PDE11A: variants seen among roughly 807,000 people sequenced by gnomAD.
PDE11A encodes the protein phosphodiesterase 11A.
In PDE11A, 100 loss-of-function variants were observed where a neutral mutation model predicts 100.5. That is an observed-to-expected ratio of 1.00 (90% CI 0.85 to 1.18). The LOEUF (loss-of-function observed/expected upper bound fraction) is 1.18, where lower values mean the gene tolerates loss of function less well. PDE11A is among the 50% of genes most tolerant of loss of function. The pLI is 0.00. For synonymous variants in PDE11A, 381 were observed against 420.8 expected (o/e 0.91, Z 1.16); for missense variants, 1,141 against 1,152.6 (o/e 0.99, Z 0.15).
intron 2 of PDE11A, among the ~76,000 whole-genome samples, chr2:177,968,515 C>A (rs113968614): frequency 2.0e-4 from 31 of 152,268 alleles, no homozygotes; most frequent in African/African-American, 6.7e-4. Flanking sequence ...GAGAAGATAA[C>A]AAAGAACTAC....
intron 5 of PDE11A, among the ~76,000 whole-genome samples, chr2:177,853,141 TTG>T (rs1491050215): frequency 2.5e-5 from 3 of 117,768 alleles, no homozygotes; most frequent in South Asian, 2.8e-4. Flanking sequence ...GGTGGTTTTT[TTG>T]TTGTTGTTGT....
intron 2 of PDE11A, among the ~76,000 whole-genome samples, chr2:177,913,772 C>A (rs2084914824): frequency 6.6e-6 from 1 of 152,132 alleles, no homozygotes; most frequent in Non-Finnish European, 1.5e-5. Context: ...GTGGTTGTAT[C>A]TGTTACTAGA....
Position 177,675,469 on chromosome 2 carries a change from C to G in PDE11A, c.2473G>C (p.Glu825Gln), listed in dbSNP as rs542665122. 6.2e-7 allele frequency: 1 copy of G among 1,613,190 alleles called. No individual in the cohort carries two copies. Among genetic ancestry groups the G allele is most frequent in the South Asian group, 1.1e-5 (1 of 91,052 alleles). Residue 825 changes from glutamate (E) to glutamine (Q), a missense_variant, in exon 17 of 20, where the codon GAG (glutamate) becomes CAG (glutamine). Coordinates refer to ENST00000286063, the MANE Select transcript of PDE11A (RefSeq NM_016953.4). ...TCACCACTTGCCTGTCTGGAGATCTCCCACGGTTTGGTCACGGCTCCAAGG... is the reference window on the plus strand; with the variant it reads ...TCACCACTTGCCTGTCTGGAGATCTGCCACGGTTTGGTCACGGCTCCAAGG... ...CDLGAVTKPW[E>Q]ISRQVAELVT...
chr2:177,789,681 TTA>T (rs1443776396), intron 9 of PDE11A, among the ~76,000 whole-genome samples: 11 of 152,154 alleles, frequency 7.2e-5, no homozygotes, highest in Admixed American at 5.9e-4. Flanking sequence ...GATAAGCAAC[TTA>T]AGCAAAGTCT....
intron 10 of PDE11A, among the ~76,000 whole-genome samples, chr2:177,758,296 CAAAAAAAAAAA>C (rs78765770): frequency 9.2e-5 from 6 of 65,008 alleles, no homozygotes; most frequent in Admixed American, 1.7e-4. Context: ...GACTCCGTCT[CAAAAAAAAAAA>C]AAAAAAAAAA....
intron 9 of PDE11A, among the ~76,000 whole-genome samples, chr2:177,784,547 T>C (rs571032816): frequency 2.0e-5 from 3 of 152,234 alleles, no homozygotes; most frequent in Non-Finnish European, 4.4e-5. Context: ...AAGCAGCCCA[T>C]GCTGCTATCT....
At chr2:177,744,527 G>C (rs1246644157) in intron 10 of PDE11A, among the ~76,000 whole-genome samples, 1 of 152,140 alleles carries the variant, frequency 6.6e-6, no homozygotes, top group Non-Finnish European at 1.5e-5. Flanking sequence ...CAAGGGTCCA[G>C]TTCACCTTAT....
intron 2 of PDE11A, among the ~76,000 whole-genome samples, chr2:178,084,781 C>T (rs1040038165): frequency 6.6e-6 from 1 of 151,658 alleles, no homozygotes; most frequent in Non-Finnish European, 1.5e-5. Context: ...ATTTACTACC[C>T]TCTTCCCTCT....
intron 2 of PDE11A, among the ~76,000 whole-genome samples, chr2:177,986,791 A>G (rs1367608682): frequency 6.6e-6 from 1 of 151,122 alleles, no homozygotes; most frequent in East Asian, 1.9e-4. Flanking sequence ...AGATCGTGTC[A>G]CTGCACTCCA....
chr2:177,646,621 C>G (rs1394322266), intron 19 of PDE11A, among the ~76,000 whole-genome samples: 1 of 152,190 alleles, frequency 6.6e-6, no homozygotes, highest in Non-Finnish European at 1.5e-5. Flanking sequence ...TCTCAACTGG[C>G]ACACTAGTAA....
chr2:177,709,261 T>C (rs1361266491), intron 13 of PDE11A, among the ~76,000 whole-genome samples: 2 of 152,198 alleles, frequency 1.3e-5, no homozygotes, highest in Non-Finnish European at 2.9e-5. Flanking sequence ...GTCAGCTTTG[T>C]GAATTAGAAA....
At chr2:177,638,514 G>A (rs2080088199) in intron 19 of PDE11A, among the ~76,000 whole-genome samples, 1 of 152,010 alleles carries the variant, frequency 6.6e-6, no homozygotes, top group South Asian at 2.1e-4. Context: ...AATTATTATG[G>A]GTCAGATGTT....
intron 1 of PDE11A, among the ~76,000 whole-genome samples, chr2:178,037,981 A>T (rs983781971): frequency 6.6e-6 from 1 of 152,142 alleles, no homozygotes; most frequent in Non-Finnish European, 1.5e-5. Flanking sequence ...TGGCACATGT[A>T]TACCTATGTA....
chr2:177,794,849 G>T (rs915357012), intron 9 of PDE11A, among the ~76,000 whole-genome samples: 1 of 152,014 alleles, frequency 6.6e-6, no homozygotes, highest in Non-Finnish European at 1.5e-5. Context: ...GCAGTGTCAC[G>T]ATCTTGGCTC....
At chr2:177,720,889 A>G (rs1396929557) in intron 12 of PDE11A, among the ~76,000 whole-genome samples, 3 of 152,266 alleles carry the variant, frequency 2.0e-5, no homozygotes, top group African/African-American at 2.4e-5. Flanking sequence ...GGCACTTACT[A>G]TCAAATCATA....
chr2:177,818,068 C>T, intron 7 of PDE11A, 143 bp from the exon 8 acceptor site: 1 of 662,538 alleles, frequency 1.5e-6, no homozygotes, highest in East Asian at 2.8e-5. Context: ...CTGCCGATTT[C>T]ATGAGAATAA....
At chr2:177,943,271 C>T (rs887487755) in intron 2 of PDE11A, among the ~76,000 whole-genome samples, 4 of 152,128 alleles carry the variant, frequency 2.6e-5, no homozygotes, top group Admixed American at 2.6e-4. Flanking sequence ...GGTAGTTCTA[C>T]TTTTAATTTT....
At chr2:177,923,477 T>G (rs2105756442) in intron 2 of PDE11A, among the ~76,000 whole-genome samples, 1 of 152,256 alleles carries the variant, frequency 6.6e-6, no homozygotes, top group East Asian at 1.9e-4. Context: ...TTCTGACCCA[T>G]CCTCCTTTTA....
intron 4 of PDE11A, among the ~76,000 whole-genome samples, chr2:177,892,642 T>C (rs1040036922): frequency 2.0e-5 from 3 of 152,354 alleles, no homozygotes; most frequent in East Asian, 1.9e-4. Context: ...CAAGGAGACA[T>C]GCACCTTTCT....
Sources: gnomAD v4.1 joint callset for allele counts (sites outside exome capture counted in the v4.1 genomes callset) on GRCh38, gnomAD v4.1.1 for gene constraint, MANE v1.5 for transcripts, NCBI Gene and HGNC (gene_info 2026-07-23, HGNC 2026-07-21) for gene names.